Variants in ABR observed in about 807,000 individuals in gnomAD.
The protein encoded by ABR is ABR activator of RhoGEF and GTPase, also known as active breakpoint cluster region-related protein.
A neutral mutation model predicts 107.2 loss-of-function variants in ABR; 35 were observed. The ratio of observed to expected loss-of-function variants is 0.33; its 90% CI spans 0.25 to 0.43. ABR has a LOEUF of 0.43. ABR is among the 20% of genes least tolerant of loss of function. The probability of loss-of-function intolerance (pLI) is 1.00; values close to 1 mark genes in which losing one functional copy is unlikely to be tolerated. For missense variants in ABR, 815 were observed against 1,115.2 expected, an observed-to-expected ratio of 0.73 and a Z score of 3.83; for synonymous variants, 498 against 462.0, an observed-to-expected ratio of 1.08 and a Z score of -1.00.
At chr17:1,031,598 C>T in intron 16 of ABR, 1 of 1,161,954 alleles carries the variant, frequency 8.6e-7, no homozygotes, top group East Asian at 5.0e-5. Context: ...CCGCGGGCAC[C>T]TTGTTTCGGA....
At chr17:1,031,934 T>G in intron 16 of ABR, 1 of 866,430 alleles carries the variant, frequency 1.2e-6, no homozygotes, top group Non-Finnish European at 1.4e-6. Flanking sequence ...TCCGCATCCC[T>G]CCTTCCCCGC....
chr17:1,083,394 A>G, intron 5 of ABR, 126 bp downstream of exon 5: 1 of 488,824 alleles, frequency 2.0e-6, no homozygotes. Context: ...AGCAAATATC[A>G]GGCTAAGTGT....
At chr17:1,219,999 A>C (rs2150757153) in intron 1 of ABR, among the ~76,000 whole-genome samples, 1 of 151,896 alleles carries the variant, frequency 6.6e-6, no homozygotes, top group Non-Finnish European at 1.5e-5. Context: ...TGTCAATAAA[A>C]ATTTTAAAGT....
chr17:1,048,373 C>A (rs1337582140), intron 16 of ABR, among the ~76,000 whole-genome samples: 4 of 151,966 alleles, frequency 2.6e-5, no homozygotes, highest in Non-Finnish European at 1.5e-5. Flanking sequence ...AGTGGGAGAC[C>A]CACACAGCTC....
At chr17:1,191,889 C>T (rs1417351915), upstream of ABR, among the ~76,000 whole-genome samples, 2 of 152,220 alleles carry the variant, frequency 1.3e-5, no homozygotes, top group Non-Finnish European at 1.5e-5. Flanking sequence ...CACTCTGCTG[C>T]CTTTCTCCAA....
intron 4 of ABR, among the ~76,000 whole-genome samples, chr17:1,088,493 A>AATG (rs965196360): frequency 6.8e-6 from 1 of 146,192 alleles, no homozygotes; most frequent in African/African-American, 2.5e-5. Context: ...TAATAATAAT[A>AATG]ATGGCACTGA....
At chr17:1,054,626 ATGTGGG>A in intron 14 of ABR, among the ~76,000 whole-genome samples, 1 of 21,718 alleles carries the variant, frequency 4.6e-5, no homozygotes, top group African/African-American at 1.9e-4. Flanking sequence ...ACCTCAGGGG[ATGTGGG>A]CACAAGGAAC....
Position 1,157,447 on chromosome 17 carries a change from C to T in ABR, c.61+22220G>A, listed in dbSNP as rs1220018796. ...TATATTTTTAATAGAGACAGGGTCTCACCATGTTGGCCAGGCTGGTCTCGA... is the reference window on the plus strand; with the variant it reads ...TATATTTTTAATAGAGACAGGGTCTTACCATGTTGGCCAGGCTGGTCTCGA... On this transcript the variant is annotated intron_variant, in intron 1 of 22. Transcript: ENST00000302538. This position sits in a 1 kb window ranked among gnomAD's most constrained non-coding sequence, Gnocchi z 4.7. Among the ~76,000 whole-genome samples, 2 of 152,080 alleles carry T rather than the reference C, an allele frequency of 1.3e-5. No homozygotes were observed. Among genetic ancestry groups the T allele is most frequent in the Non-Finnish European group, 2.9e-5 (2 of 68,002 alleles).
At chr17:1,029,466 G>A (rs986647160) in intron 16 of ABR, among the ~76,000 whole-genome samples, 2 of 152,058 alleles carry the variant, frequency 1.3e-5, no homozygotes, top group Non-Finnish European at 2.9e-5. Flanking sequence ...GTCACGCCCC[G>A]CCTCCAGCCT....
chr17:1,178,531 T>C (rs1157197676), intron 1 of ABR, among the ~76,000 whole-genome samples: 2 of 148,238 alleles, frequency 1.3e-5, no homozygotes, highest in Non-Finnish European at 3.0e-5. Flanking sequence ...GCCACTGCAC[T>C]CCAGCCTGGG....
chr17:1,195,671 G>A (rs530779804), intron 1 of ABR, among the ~76,000 whole-genome samples: 3 of 151,512 alleles, frequency 2.0e-5, no homozygotes, highest in Middle Eastern at 3.4e-3. Context: ...GGGCGTGGTG[G>A]TGGGCGCCTG....
Position 1,157,341 on chromosome 17 carries a change from C to G in ABR, c.61+22326G>C, listed in dbSNP as rs888529179. Among the ~76,000 whole-genome samples, 1 of 151,908 alleles carries G rather than the reference C, an allele frequency of 6.6e-6. No homozygotes were observed. The highest frequency in any genetic ancestry group is 2.4e-5 in the African/African-American group (1 of 41,310). ...CCTTAGCTCACTGCAACCTCCACCTCCCGGGTTCAAGTAATTCTCCTGCCT... is the reference window on the plus strand; with the variant it reads ...CCTTAGCTCACTGCAACCTCCACCTGCCGGGTTCAAGTAATTCTCCTGCCT... On this transcript the variant is annotated intron_variant, in intron 1 of 22. Transcript: ENST00000302538. This position sits in a 1 kb window ranked among gnomAD's most constrained non-coding sequence, Gnocchi z 4.7.
chr17:1,066,934 C>T (rs991196237), intron 10 of ABR, 143 bp downstream of exon 10: 1 of 779,630 alleles, frequency 1.3e-6, no homozygotes, highest in African/African-American at 1.7e-5. Flanking sequence ...CTGCTTGGAG[C>T]TACTGTAGTC....
chr17:1,200,321 G>C lies in ABR; in HGVS notation c.838+28472C>G, dbSNP rs147598220. Among the ~76,000 whole-genome samples the C allele has an allele frequency of 0.01, 1,542 of 152,194 alleles. 11 individuals carry two copies. Among genetic ancestry groups the C allele is most frequent in the Middle Eastern group, 0.034 (10 of 294 alleles). On this transcript the variant is annotated intron_variant, in intron 1 of 22. Coordinates refer to the ABR transcript ENST00000574139. The surrounding 1 kb of genome is among the most constrained non-coding windows in gnomAD (Gnocchi z 4.1). ...TCCCAACACTTTCGGACGATCGCTT[G>C]AAGCCAGGAGTTCAAGACCAGCCTG...
At chr17:1,205,723 T>C (rs1171076628) in intron 1 of ABR, among the ~76,000 whole-genome samples, 1 of 152,158 alleles carries the variant, frequency 6.6e-6, no homozygotes, top group East Asian at 1.9e-4. Flanking sequence ...GGCGGGCAGA[T>C]CACAAGATCA....
chr17:1,204,060 T>TCTCCC (rs1384317840), intron 1 of ABR, among the ~76,000 whole-genome samples: 3 of 152,150 alleles, frequency 2.0e-5, no homozygotes, highest in Admixed American at 2.0e-4. Flanking sequence ...CCTCCCGGCC[T>TCTCCC]CTCCCTCATC....
chr17:1,152,461 C>T (rs1323749729), intron 1 of ABR, among the ~76,000 whole-genome samples: 4 of 148,216 alleles, frequency 2.7e-5, no homozygotes, highest in East Asian at 4.1e-4. Flanking sequence ...CGTGGTGGTG[C>T]GTGCCTGTAA....
intron 1 of ABR, among the ~76,000 whole-genome samples, chr17:1,135,811 G>C (rs1158837105): frequency 6.6e-6 from 1 of 152,190 alleles, no homozygotes; most frequent in East Asian, 1.9e-4. Flanking sequence ...GGGAGGCGGA[G>C]GTTGCAGTGA....
At chr17:1,135,566 C>T (rs757482216) in intron 1 of ABR, among the ~76,000 whole-genome samples, 4 of 151,866 alleles carry the variant, frequency 2.6e-5, no homozygotes, top group Non-Finnish European at 5.9e-5. Context: ...CATTATTCCA[C>T]CAAAGCTGCA....
Sources: gnomAD v4.1 joint callset for allele counts (sites outside exome capture counted in the v4.1 genomes callset) on GRCh38, gnomAD v4.1.1 for gene constraint, Gnocchi (gnomAD v3.1) non-coding constraint, MANE v1.5 for transcripts, NCBI Gene and HGNC (gene_info 2026-07-23, HGNC 2026-07-21) for gene names.